ITGA5: variants seen among roughly 807,000 people sequenced by gnomAD.
ITGA5 encodes integrin alpha-5.
A neutral mutation model predicts 146.3 loss-of-function variants in ITGA5; 55 were observed. The ratio of observed to expected loss-of-function variants is 0.38; its 90% CI spans 0.30 to 0.47. ITGA5 has a LOEUF of 0.47. Among genes scored for constraint, ITGA5 ranks in the 20% least tolerant of loss-of-function variants. The probability of loss-of-function intolerance (pLI) is 0.99; values close to 1 mark genes in which losing one functional copy is unlikely to be tolerated. For synonymous variants in ITGA5, 500 were observed against 531.8 expected, an observed-to-expected ratio of 0.94 and a Z score of 0.82; for missense variants, 1,131 against 1,329.0, an observed-to-expected ratio of 0.85 and a Z score of 2.32.
chr12:54,402,568 G>A (rs1955801513), intron 19 of ITGA5, among the ~76,000 whole-genome samples: 1 of 152,040 alleles, frequency 6.6e-6, no homozygotes, highest in Non-Finnish European at 1.5e-5. Context: ...CGGCATGGTG[G>A]CAGGCACCTG....
intron 12 of ITGA5, 125 bp downstream of exon 12, chr12:54,405,041 G>A: frequency 8.3e-7 from 1 of 1,204,674 alleles, no homozygotes; most frequent in East Asian, 2.4e-5. Flanking sequence ...CCCAGACAGT[G>A]GGATTTTAAC....
intron 6 of ITGA5, 113 bp from the exon 7 acceptor site, chr12:54,408,348 G>C (rs532862490): frequency 5.8e-6 from 7 of 1,205,032 alleles, no homozygotes; most frequent in Non-Finnish European, 8.3e-6. Context: ...AGGGAAGCAT[G>C]GGGAGGGTGG....
At chr12:54,414,996 A>G (rs2120575965) in intron 1 of ITGA5, among the ~76,000 whole-genome samples, 1 of 152,016 alleles carries the variant, frequency 6.6e-6, no homozygotes, top group African/African-American at 2.4e-5. Flanking sequence ...TAAAAATACA[A>G]AATTAGCTGG....
At chr12:54,402,831 A>T in intron 19 of ITGA5, 152 bp downstream of exon 19, 6 of 620,562 alleles carry the variant, frequency 9.7e-6, no homozygotes, top group South Asian at 4.0e-5. Flanking sequence ...TCTGAGAAAT[A>T]AATGCTACTA....
chr12:54,410,646 G>A (rs1157360311), intron 2 of ITGA5, among the ~76,000 whole-genome samples: 7 of 151,244 alleles, frequency 4.6e-5, no homozygotes, highest in East Asian at 3.9e-4. Flanking sequence ...CTGCAGTGAC[G>A]GAGAATCACT....
Position 54,409,816 on chromosome 12 carries a change from A to G in ITGA5, c.350-219T>C. 1 of 529,826 alleles carries G rather than the reference A, an allele frequency of 1.9e-6. No homozygotes were observed. The allele number at this position is 529,826 out of a possible 1,614,324, so 32.8% of individuals were successfully genotyped here. On this transcript the variant is annotated intron_variant, in intron 2 of 29. Transcript: ENST00000293379. The surrounding 1 kb of genome is among the most constrained non-coding windows in gnomAD (Gnocchi z 4.7). ...CCACTACACACATACACATACACAC[A>G]CACACATACATACACACGCACGCAC...
Position 54,400,904 on chromosome 12 carries a change from G to T in ITGA5, c.2585C>A (p.Thr862Asn). Residue 862 changes from threonine (T) to asparagine (N), a missense_variant, in exon 25 of 30, where the codon ACC becomes AAC. Coordinates refer to ENST00000293379, the MANE Select transcript of ITGA5 (RefSeq NM_002205.5). ...GGTGCAGTTGAGTCCCGTAACTCTG[G>T]TCACATATAGGAGCTGCTGACCTTC... The part of the protein sequence containing the change: ...ALEGQQLLYV[T>N]RVTGLNCTTN... 6.2e-7 allele frequency: 1 copy of T among 1,614,098 alleles called. No homozygotes were observed. The highest frequency in any genetic ancestry group is 1.1e-5 in the South Asian group (1 of 91,080).
intron 7 of ITGA5, 77 bp downstream of exon 7, chr12:54,408,033 G>A (rs1201195460): frequency 1.3e-6 from 2 of 1,582,434 alleles, no homozygotes; most frequent in East Asian, 2.2e-5. Flanking sequence ...AGTAGGAGAG[G>A]GGAGGCGAGG....
intron 2 of ITGA5, among the ~76,000 whole-genome samples, chr12:54,410,522 G>T (rs1955930335): frequency 6.6e-6 from 1 of 151,308 alleles, no homozygotes. Context: ...GTACAGATGG[G>T]GTTTTGCCAT....
chr12:54,408,348 G>A (rs532862490), intron 6 of ITGA5, 113 bp from the exon 7 acceptor site: 1 of 1,205,030 alleles, frequency 8.3e-7, no homozygotes, highest in South Asian at 1.4e-5. Context: ...AGGGAAGCAT[G>A]GGGAGGGTGG....
chr12:54,419,033 G>A lies in ITGA5; in HGVS notation c.166C>T (p.Pro56Ser), dbSNP rs1956044273. The A allele has an allele frequency of 3.1e-6, 5 of 1,599,378 alleles. No individual in the cohort carries two copies. The highest frequency in any genetic ancestry group is 4.3e-6 in the Non-Finnish European group (5 of 1,174,432). Residue 56 changes from proline (P) to serine (S), a missense_variant, in exon 1 of 30, where the codon CCG (proline) becomes TCG (serine). Around this residue, in one of 3 missense-constraint regions of ITGA5, gnomAD observed 175 missense variants for 179.3 expected, o/e 0.98. Coordinates refer to ENST00000293379, the MANE Select transcript of ITGA5 (RefSeq NM_002205.5). ...AEAPAVLSGP[P>S]GSFFGFSVEF... ...ACTGAGAATCCGAAGAAGGAGCCCG[G>A]GGGCCCCGAGAGTACTGCTGGGGCC...
At chr12:54,398,200 AT>A (rs1955737867) in intron 28 of ITGA5, among the ~76,000 whole-genome samples, 1 of 152,088 alleles carries the variant, frequency 6.6e-6, no homozygotes, top group African/African-American at 2.4e-5. Context: ...GCTCAGCCTC[AT>A]ATCTGTTATT....
chr12:54,398,244 G>C (rs1333700533), intron 28 of ITGA5, among the ~76,000 whole-genome samples: 1 of 152,124 alleles, frequency 6.6e-6, no homozygotes, highest in Non-Finnish European at 1.5e-5. Flanking sequence ...TTCCTGAATG[G>C]CTAGCCTGGT....
rs1565638006 is a variant in ITGA5, at chr12:54,399,680, A to G, written c.2806T>C (p.Leu936=). 2 of 1,614,124 alleles carry G rather than the reference A, an allele frequency of 1.2e-6. No individual in the cohort carries two copies. Among genetic ancestry groups the G allele is most frequent in the East Asian group, 2.2e-5 (1 of 44,888 alleles). ...LHQQESQSLQ[L]HFRVWAKTFL... ...GTCTTGGCCCAGACTCGGAAATGCA[A>G]CTGCAGACTTTGGCTCTCTTGTTGG... The change falls in exon 27 of 30, where the codon TTG becomes CTG. Residue 936 remains leucine (L), a synonymous_variant. Transcript: ENST00000293379.
In ITGA5 at chr12:54,409,093, C is replaced by T. The variant is rs193266560; in HGVS notation, c.583+139G>A. On this transcript the variant is annotated intron_variant, in intron 4 of 29. Transcript: ENST00000293379. The surrounding 1 kb of genome is among the most constrained non-coding windows in gnomAD (Gnocchi z 4.7). ...ACCAGACAGTAAGCATAAAGGCTAACGAACTGGGTTAGCCTTTATCTTAAG... is the reference window on the plus strand; with the variant it reads ...ACCAGACAGTAAGCATAAAGGCTAATGAACTGGGTTAGCCTTTATCTTAAG... 9.8e-6 allele frequency: 14 copies of T among 1,426,572 alleles called. No homozygotes were observed. Among genetic ancestry groups the T allele is most frequent in the African/African-American group, 1.4e-5 (1 of 70,804 alleles). The allele number at this position is 1,426,572 out of a possible 1,614,324, so 88.4% of individuals were successfully genotyped here. A position where few individuals can be genotyped will look rare whatever the true frequency, so the allele number is the denominator to read the frequency against.
rs757921132 is a variant in ITGA5 at position 54,398,675 on chromosome 12, C to T, written c.2865G>A (p.Leu955=). ...FLQREHQPFS[L]QCEAVYKALK... is the part of the protein sequence containing the mutation. The stretch of plus-strand genomic sequence containing the variant: ...GGGCTTTGTACACAGCCTCACACTG[C>T]AGGCTAAATGGCTGGTGCTCCCGCT... Residue 955 remains leucine, a synonymous_variant, in exon 28 of 30, where the codon CTG becomes CTA. Coordinates refer to ENST00000293379, the MANE Select transcript of ITGA5 (RefSeq NM_002205.5). The T allele has an allele frequency of 2.5e-6, 4 of 1,604,512 alleles. No homozygotes were observed. Among genetic ancestry groups the T allele is most frequent in the Non-Finnish European group, 3.4e-6 (4 of 1,176,446 alleles).
chr12:54,402,129 T>C, intron 20 of ITGA5, 36 bp from the exon 21 acceptor site: 4 of 1,613,348 alleles, frequency 2.5e-6, no homozygotes, highest in Non-Finnish European at 3.4e-6. Flanking sequence ...GGTTTTGGTG[T>C]CCCCTCTAGA....
In ITGA5 at chr12:54,405,650, T is replaced by C; in HGVS notation, c.1016+14A>G. The C allele has an allele frequency of 6.2e-7, 1 of 1,609,848 alleles. No homozygotes were observed. The highest frequency in any genetic ancestry group is 8.5e-7 in the Non-Finnish European group (1 of 1,176,520). ...TGGGAGGGTATCACAGTGCGCTCAT[T>C]TCCCACCACTCACCCGTCCCCATTG... On this transcript the variant is annotated intron_variant, in intron 11 of 29. Transcript: ENST00000293379.
intron 25 of ITGA5, chr12:54,400,238 T>G: frequency 2.4e-6 from 1 of 412,872 alleles, no homozygotes; most frequent in Non-Finnish European, 4.4e-6. Context: ...CCCTGAGTCT[T>G]ATAGACAGGT....
Sources: gnomAD v4.1 joint callset for allele counts (sites outside exome capture counted in the v4.1 genomes callset) on GRCh38, gnomAD v4.1.1 for gene constraint, gnomAD v4.1.1 regional missense constraint, Gnocchi (gnomAD v3.1) non-coding constraint, MANE v1.5 for transcripts, NCBI Gene and HGNC (gene_info 2026-07-23, HGNC 2026-07-21) for gene names.